Variants in LRP4 observed in about 807,000 individuals in gnomAD.
LRP4 encodes the protein LDL receptor related protein 4.
In LRP4, 95 loss-of-function variants were observed where a neutral mutation model predicts 220.3. The observed-to-expected ratio is 0.43, with a 90% CI of 0.37 to 0.51. The LOEUF (loss-of-function observed/expected upper bound fraction) is 0.51, where lower values mean the gene tolerates loss of function less well. Ranked by LOEUF, LRP4 falls within the 20% of genes least tolerant of loss-of-function variation. The probability of loss-of-function intolerance (pLI) is 0.00; values close to 1 mark genes in which losing one functional copy is unlikely to be tolerated. For missense variants in LRP4, 1,925 were observed against 2,567.0 expected, an observed-to-expected ratio of 0.75 and a Z score of 5.40; for synonymous variants, 903 against 954.6, an observed-to-expected ratio of 0.95 and a Z score of 1.00.
At chr11:46,907,750 T>C (rs916778035) in intron 1 of LRP4, among the ~76,000 whole-genome samples, 6 of 152,208 alleles carry the variant, frequency 3.9e-5, no homozygotes, top group Admixed American at 3.9e-4. Context: ...AGATGAAGGT[T>C]CAAATCTTGG....
rs1233497017 is a variant in LRP4, at chr11:46,858,758, G to C, written c.*225C>G. The C allele has an allele frequency of 1.3e-5, 8 of 597,818 alleles. No homozygotes were observed. The highest frequency in any genetic ancestry group is 1.3e-4 in the Admixed American group (5 of 39,754). The allele number at this position is 597,818 out of a possible 1,614,324, so 37.0% of individuals were successfully genotyped here. Reference sequence around the variant, plus strand: ...ATGGAGTACAAGATGTGAGGTTCATGGTAAAATCCAGGTCTAAATTCTCGT... The same window carrying C: ...ATGGAGTACAAGATGTGAGGTTCATCGTAAAATCCAGGTCTAAATTCTCGT... On this transcript the variant is annotated 3_prime_UTR_variant, in exon 38 of 38. Transcript: ENST00000378623.
chr11:46,880,110 C>T (rs1039097604), intron 20 of LRP4, among the ~76,000 whole-genome samples: 1 of 151,872 alleles, frequency 6.6e-6, no homozygotes, highest in African/African-American at 2.4e-5. Flanking sequence ...TGTCTCAAAA[C>T]AAAACAAACA....
intron 1 of LRP4, among the ~76,000 whole-genome samples, chr11:46,916,892 G>C (rs1161166086): frequency 3.3e-5 from 5 of 152,202 alleles, no homozygotes; most frequent in Non-Finnish European, 7.3e-5. Flanking sequence ...CAGTAGGGCC[G>C]CTGTCCCAAC....
At position 46,899,001 on chromosome 11, in the gene LRP4, C is replaced by T. The variant is rs1941605374; in HGVS notation, c.579G>A (p.Leu193=). 1 of 1,613,556 alleles carries T rather than the reference C, an allele frequency of 6.2e-7. No homozygotes were observed. The highest frequency in any genetic ancestry group is 8.5e-7 in the Non-Finnish European group (1 of 1,179,890). ...PSAVPAPPCN[L]EEFQCAYGRC... ...GTCCATAGGCACACTGGAACTCCTC[C>T]AGGTTGCAGGGGGGCGCTGGCACTG... Residue 193 remains leucine, a synonymous_variant, in exon 6 of 38, where the codon CTG becomes CTA. Coordinates refer to ENST00000378623, the MANE Select transcript of LRP4 (RefSeq NM_002334.4). The surrounding 1 kb of genome is among the most constrained non-coding windows in gnomAD (Gnocchi z 5.9).
chr11:46,866,138 GAA>G (rs1208907934), intron 34 of LRP4, among the ~76,000 whole-genome samples: 1 of 127,562 alleles, frequency 7.8e-6, no homozygotes, highest in Non-Finnish European at 1.7e-5. Context: ...TGTTGCAGTG[GAA>G]AAAAAAAAAA....
Position 46,873,624 on chromosome 11 carries a change from C to T in LRP4, c.4230-31G>A, listed in dbSNP as rs1424192086. ...GGAGAGCCCAGTGTTGGATGAGCAA[C>T]CAGACTGACCCAGAATAGAGTAGAA... On this transcript the variant is annotated intron_variant, in intron 28 of 37. Coordinates refer to ENST00000378623, the MANE Select transcript of LRP4 (RefSeq NM_002334.4). This position sits in a 1 kb window ranked among gnomAD's most constrained non-coding sequence, Gnocchi z 4.2. The T allele has an allele frequency of 6.4e-7, 1 of 1,556,410 alleles. No individual in the cohort carries two copies.
intron 1 of LRP4, among the ~76,000 whole-genome samples, chr11:46,917,412 C>CACG (rs1160789437): frequency 6.6e-6 from 1 of 152,190 alleles, no homozygotes; most frequent in African/African-American, 2.4e-5. Flanking sequence ...TCACGGGGTG[C>CACG]ACCCAGGGTC....
At chr11:46,872,891 G>A (rs1940907087) in intron 30 of LRP4, among the ~76,000 whole-genome samples, 2 of 152,198 alleles carry the variant, frequency 1.3e-5, no homozygotes, top group Non-Finnish European at 2.9e-5. Context: ...TTAGGAACAT[G>A]TAAACCAGCC....
In LRP4 at chr11:46,889,475, G is replaced by T; in HGVS notation, c.2151C>A (p.Gly717=). ...GGCTHLCLPS[G]QNYTCACPTG... is the part of the protein sequence containing the mutation. ...TGGGGCAGGCACAGGTGTAGTTCTG[G>T]CCACTGGGCAGACACAGGTGCGTGC... Residue 717 remains glycine (G), a synonymous_variant, in exon 16 of 38, where the codon GGC becomes GGA. Coordinates refer to ENST00000378623, the MANE Select transcript of LRP4 (RefSeq NM_002334.4). 6.2e-7 allele frequency: 1 copy of T among 1,614,084 alleles called. No homozygotes were observed. Among genetic ancestry groups the T allele is most frequent in the African/African-American group, 1.3e-5 (1 of 75,036 alleles).
At position 46,858,696 on chromosome 11, in the gene LRP4, T is replaced by C; in HGVS notation, c.*287A>G. 1 of 454,766 alleles carries C rather than the reference T, an allele frequency of 2.2e-6. No individual in the cohort carries two copies. Among genetic ancestry groups the C allele is most frequent in the Non-Finnish European group, 4.1e-6 (1 of 244,210 alleles). 28.2% of individuals were successfully genotyped at this position (454,766 alleles called of 1,614,324 possible). A position where few individuals can be genotyped will look rare whatever the true frequency, so the allele number is the denominator to read the frequency against. On this transcript the variant is annotated 3_prime_UTR_variant, in exon 38 of 38. Transcript: ENST00000378623. ...AAGGGGAGGTGGAGCTCTACGCTGG[T>C]GAGGAATCACGAATAAGCAGTTTCA... is the stretch of plus-strand genomic sequence containing the variant.
intron 37 of LRP4, chr11:46,861,059 G>T: frequency 1.8e-6 from 1 of 562,098 alleles, no homozygotes; most frequent in Non-Finnish European, 2.3e-6. Flanking sequence ...GGCCTTCATT[G>T]TGGTTCTTTT....
intron 34 of LRP4, among the ~76,000 whole-genome samples, chr11:46,866,155 T>G (rs1031381713): frequency 2.0e-5 from 3 of 152,006 alleles, no homozygotes; most frequent in African/African-American, 7.2e-5. Flanking sequence ...AAAAAAACTG[T>G]TCTAATTAGA....
chr11:46,896,952 C>A lies in LRP4; in HGVS notation c.839G>T (p.Gly280Val), dbSNP rs972057872. The A allele has an allele frequency of 2.5e-6, 4 of 1,614,252 alleles. No homozygotes were observed. Among genetic ancestry groups the A allele is most frequent in the Admixed American group, 3.3e-5 (2 of 60,026 alleles). ...GCGCCAGGACAGGCGGACACAGCGGCCTGAGTGACAGCGGAACTGTTCTGC... is the reference window on the plus strand; with the variant it reads ...GCGCCAGGACAGGCGGACACAGCGGACTGAGTGACAGCGGAACTGTTCTGC... Reference protein sequence around the residue: ...CTAEQFRCHSGRCVRLSWRCD... With the variant: ...CTAEQFRCHSVRCVRLSWRCD... Residue 280 changes from glycine (G) to valine (V), a missense_variant, in exon 8 of 38, where the codon GGC (glycine) becomes GTC (valine). This residue lies in a region of LRP4 where 412 missense variants were observed against 505.4 expected (regional missense o/e 0.82). Coordinates refer to ENST00000378623, the MANE Select transcript of LRP4 (RefSeq NM_002334.4).
intron 20 of LRP4, among the ~76,000 whole-genome samples, chr11:46,880,435 C>G (rs773278909): frequency 2.0e-4 from 20 of 99,858 alleles, no homozygotes; most frequent in Non-Finnish European, 4.4e-4. Flanking sequence ...ACCCCCATCT[C>G]TACAAAAAAT....
At chr11:46,878,036 ACT>A (rs1358185774) in intron 22 of LRP4, among the ~76,000 whole-genome samples, 1 of 152,070 alleles carries the variant, frequency 6.6e-6, no homozygotes, top group East Asian at 1.9e-4. Flanking sequence ...CTCCTTTCTC[ACT>A]CAAATTCCCA....
At chr11:46,862,385 C>G (rs1191092200) in intron 37 of LRP4, among the ~76,000 whole-genome samples, 1 of 152,186 alleles carries the variant, frequency 6.6e-6, no homozygotes, top group East Asian at 1.9e-4. Context: ...CTGAGATCTG[C>G]CTTCTAACCT....
intron 1 of LRP4, among the ~76,000 whole-genome samples, chr11:46,907,760 G>A (rs1027104085): frequency 6.6e-6 from 1 of 152,110 alleles, no homozygotes; most frequent in Non-Finnish European, 1.5e-5. Flanking sequence ...TCAAATCTTG[G>A]TTCTACCACA....
At position 46,859,147 on chromosome 11, in the gene LRP4, C is replaced by A. The variant is rs758456452; in HGVS notation, c.5554G>T (p.Ala1852Ser). ...CMKTDTVSIQASSGSLDDTET... is the reference protein window; with the variant it reads ...CMKTDTVSIQSSSGSLDDTET... ...GTGTCATCCAGGGAGCCAGAGCTGG[C>A]CTGGATGGACACCGTGTCTGTCTTC... Residue 1852 changes from alanine to serine, a missense_variant, in exon 38 of 38, where the codon GCC (alanine) becomes TCC (serine). Ala to Ser is a moderately conservative substitution (Grantham distance 99). Transcript: ENST00000378623. The A allele has an allele frequency of 8.1e-6, 13 of 1,614,052 alleles. No homozygotes were observed. Among genetic ancestry groups the A allele is most frequent in the Non-Finnish European group, 5.9e-6 (7 of 1,180,030 alleles).
At chr11:46,915,935 T>C (rs1281624876) in intron 1 of LRP4, among the ~76,000 whole-genome samples, 3 of 152,102 alleles carry the variant, frequency 2.0e-5, no homozygotes, top group Non-Finnish European at 2.9e-5. Context: ...GTCCAAAAGA[T>C]GTTTTGGTGG....
Sources: allele counts gnomAD v4.1 joint callset (sites outside exome capture counted in the v4.1 genomes callset), GRCh38; gene constraint gnomAD v4.1.1; regional missense constraint gnomAD v4.1.1; non-coding constraint Gnocchi (gnomAD v3.1); transcripts MANE v1.5; gene names NCBI Gene and HGNC (gene_info 2026-07-23, HGNC 2026-07-21).